The following CADPS2 variants were observed in gnomAD, a reference collection of about 807,000 sequenced individuals.
CADPS2 encodes the protein calcium dependent secretion activator 2.
Under a neutral mutation model 172.5 loss-of-function variants are expected in CADPS2, and 93 were observed. That is an observed-to-expected ratio of 0.54 (90% CI 0.46 to 0.64). The LOEUF is 0.64. CADPS2 is among the 30% of genes least tolerant of loss of function. The probability of loss-of-function intolerance (pLI) is 0.00; values close to 1 mark genes in which losing one functional copy is unlikely to be tolerated. For synonymous variants in CADPS2, 546 were observed against 555.2 expected, an observed-to-expected ratio of 0.98 and a Z score of 0.23; for missense variants, 1,420 against 1,565.9, an observed-to-expected ratio of 0.91 and a Z score of 1.57.
At chr7:122,712,267 G>T (rs1055880003) in intron 2 of CADPS2, among the ~76,000 whole-genome samples, 1 of 152,018 alleles carries the variant, frequency 6.6e-6, no homozygotes, top group African/African-American at 2.4e-5. Context: ...GCACTGATTT[G>T]TATCAATTTC....
At chr7:122,406,313 A>G (rs1226517081) in intron 20 of CADPS2, among the ~76,000 whole-genome samples, 1 of 152,242 alleles carries the variant, frequency 6.6e-6, no homozygotes, top group Admixed American at 6.5e-5. Context: ...TTACAACCAG[A>G]AAGATATAGC....
At position 122,513,288 on chromosome 7, in the gene CADPS2, A is replaced by G; in HGVS notation, c.1503T>C (p.Val501=). ...SGYLYALGQK[V]WKRWKKRYFV... ...AGTAACGTTTTTTCCATCTTTTCCA[A>G]ACCTTCTGTCCAAGGGCATACAGAT... The change falls in exon 9 of 30, where the codon GTT becomes GTC. Residue 501 remains valine, a synonymous_variant. Transcript: ENST00000449022. 1 of 1,562,386 alleles carries G rather than the reference A, an allele frequency of 6.4e-7. No homozygotes were observed. Among genetic ancestry groups the G allele is most frequent in the Non-Finnish European group, 8.7e-7 (1 of 1,152,016 alleles).
intron 6 of CADPS2, among the ~76,000 whole-genome samples, chr7:122,607,681 G>T (rs2073760154): frequency 6.6e-6 from 1 of 152,014 alleles, no homozygotes; most frequent in South Asian, 2.1e-4. Flanking sequence ...TCATTTTAAA[G>T]ATCCCCAGAT....
intron 8 of CADPS2, among the ~76,000 whole-genome samples, chr7:122,538,579 T>C (rs2062584061): frequency 6.6e-6 from 1 of 151,996 alleles, no homozygotes; most frequent in African/African-American, 2.4e-5. Context: ...TAAATTACTA[T>C]ATTGATAGTT....
At chr7:122,694,349 T>A (rs2084796146) in intron 2 of CADPS2, among the ~76,000 whole-genome samples, 1 of 152,166 alleles carries the variant, frequency 6.6e-6, no homozygotes, top group South Asian at 2.1e-4. Context: ...TGCTGTGAGT[T>A]GTTAAGTTTT....
At chr7:122,773,390 T>G (rs117009735) in intron 1 of CADPS2, among the ~76,000 whole-genome samples, 4 of 152,102 alleles carry the variant, frequency 2.6e-5, no homozygotes, top group Non-Finnish European at 4.4e-5. Context: ...TACTTAATGC[T>G]ATTAATTACA....
In CADPS2 at chr7:122,320,311, C is replaced by A. The variant is rs1212696371; in HGVS notation, c.3745G>T (p.Gly1249Cys). 3 of 1,600,396 alleles carry A rather than the reference C, an allele frequency of 1.9e-6. No individual in the cohort carries two copies. Among genetic ancestry groups the A allele is most frequent in the Non-Finnish European group, 2.6e-6 (3 of 1,173,912 alleles). ...CTGTTCAGTGTTCCTTCCAACACAC[C>A]CTGCAATCGAAAGTCCCTGTAGGTT... ...KKTYRDFRLQ[G>C]VLEGTLNSKT... Residue 1249 changes from glycine to cysteine, a missense_variant, in exon 30 of 30, where the codon GGT becomes TGT. Coordinates refer to ENST00000449022, the MANE Select transcript of CADPS2 (RefSeq NM_017954.11).
chr7:122,399,194 A>G (rs1006324541), intron 20 of CADPS2, among the ~76,000 whole-genome samples: 1 of 152,184 alleles, frequency 6.6e-6, no homozygotes, highest in African/African-American at 2.4e-5. Flanking sequence ...CCAAATTTAA[A>G]ACTATAATGA....
At chr7:122,335,632 G>C (rs1467306348) in intron 28 of CADPS2, among the ~76,000 whole-genome samples, 1 of 152,186 alleles carries the variant, frequency 6.6e-6, no homozygotes, top group African/African-American at 2.4e-5. Flanking sequence ...TGAATAAATA[G>C]AAGGCTTGAA....
intron 3 of CADPS2, among the ~76,000 whole-genome samples, chr7:122,656,735 T>A (rs1041489278): frequency 8.5e-5 from 13 of 152,094 alleles, no homozygotes; most frequent in Admixed American, 8.5e-4. Context: ...GGAAGCCCAG[T>A]CAAAAGGGGA....
chr7:122,342,920 T>C (rs1235159367), intron 28 of CADPS2, among the ~76,000 whole-genome samples: 2 of 152,174 alleles, frequency 1.3e-5, no homozygotes, highest in Non-Finnish European at 2.9e-5. Flanking sequence ...GTCATTATTT[T>C]CAACTGTTTT....
chr7:122,804,026 G>A (rs1798263779), intron 1 of CADPS2, among the ~76,000 whole-genome samples: 1 of 144,322 alleles, frequency 6.9e-6, no homozygotes, highest in African/African-American at 2.6e-5. Flanking sequence ...TGAAGCTTTT[G>A]CTTAAGGGAC....
chr7:122,371,900 T>C (rs1585360134), intron 25 of CADPS2, among the ~76,000 whole-genome samples: 1 of 151,250 alleles, frequency 6.6e-6, no homozygotes, highest in African/African-American at 2.4e-5. Flanking sequence ...GGGGTGGAGG[T>C]GATATGGGTA....
intron 3 of CADPS2, among the ~76,000 whole-genome samples, chr7:122,629,896 G>A (rs2076415180): frequency 6.6e-6 from 1 of 151,918 alleles, no homozygotes; most frequent in Non-Finnish European, 1.5e-5. Flanking sequence ...CCATTCTCCT[G>A]TTCTAAATTT....
At chr7:122,333,191 T>C (rs2035279316) in intron 28 of CADPS2, among the ~76,000 whole-genome samples, 1 of 152,232 alleles carries the variant, frequency 6.6e-6, no homozygotes, top group Non-Finnish European at 1.5e-5. Context: ...ATTTTGAACA[T>C]AGTATATAAA....
chr7:122,784,990 AT>A (rs1361243072), intron 1 of CADPS2, among the ~76,000 whole-genome samples: 1 of 151,954 alleles, frequency 6.6e-6, no homozygotes, highest in African/African-American at 2.4e-5. Context: ...CAAGACTCTT[AT>A]TTTTCCCCTC....
At chr7:122,418,443 T>C (rs2048186510) in intron 17 of CADPS2, among the ~76,000 whole-genome samples, 1 of 152,166 alleles carries the variant, frequency 6.6e-6, no homozygotes, top group South Asian at 2.1e-4. Flanking sequence ...AGTAAGATAA[T>C]AAGTAGACTA....
intron 17 of CADPS2, chr7:122,424,316 A>C: frequency 1.0e-6 from 1 of 983,760 alleles, no homozygotes; most frequent in Non-Finnish European, 1.2e-6. Context: ...CAGTCACATT[A>C]ACTACTTTAC....
At chr7:122,656,347 GAAACACTGA>G (rs2079790089) in intron 3 of CADPS2, among the ~76,000 whole-genome samples, 1 of 152,084 alleles carries the variant, frequency 6.6e-6, no homozygotes, top group Non-Finnish European at 1.5e-5. Context: ...TTGCCTGAGG[GAAACACTGA>G]AAACTTATCC....
Sources: allele counts gnomAD v4.1 joint callset (sites outside exome capture counted in the v4.1 genomes callset), GRCh38; gene constraint gnomAD v4.1.1; transcripts MANE v1.5; gene names NCBI Gene and HGNC (gene_info 2026-07-23, HGNC 2026-07-21).